Variants in CCDC170 observed in about 807,000 individuals in gnomAD.
CCDC170 encodes coiled-coil domain containing 170, also known as coiled-coil domain-containing protein 170.
In CCDC170, 69 loss-of-function variants were observed where a neutral mutation model predicts 72.6. The ratio of observed to expected loss-of-function variants is 0.95; its 90% CI spans 0.78 to 1.16. CCDC170 has a LOEUF of 1.16. CCDC170 is among the 50% of genes most tolerant of loss of function. The pLI is 0.00. For missense variants in CCDC170, 852 were observed against 832.5 expected (o/e 1.02, Z -0.29); for synonymous variants, 300 against 303.9 (o/e 0.99, Z 0.13).
At chr6:151,578,468 G>A (rs569527762) in intron 6 of CCDC170, among the ~76,000 whole-genome samples, 12 of 152,112 alleles carry the variant, frequency 7.9e-5, no homozygotes, top group South Asian at 6.2e-4. Flanking sequence ...TATGCATGTC[G>A]GTCTTCGTGT....
rs115331517 is a variant in CCDC170 at position 151,529,689 on chromosome 6, C to T, written c.58-6629C>T. On this transcript the variant is annotated intron_variant, in intron 1 of 10. Transcript: ENST00000239374. ...AAACAAAAACAAAATAATGGTATAA[C>T]GAATATCTTTATACATATCTCTATG... 8.9e-3 allele frequency among the ~76,000 whole-genome samples: 1,358 copies of T among 152,066 alleles called. 20 individuals carry two copies. Among genetic ancestry groups the T allele is most frequent in the African/African-American group, 0.03 (1,249 of 41,474 alleles).
chr6:151,572,653 T>TTTTTTTTTTTG lies in CCDC170; in HGVS notation c.775-511_775-510insGTTTTTTTTTT, dbSNP rs1554223882. On this transcript the variant is annotated intron_variant, in intron 5 of 10. Coordinates refer to ENST00000239374, the MANE Select transcript of CCDC170 (RefSeq NM_025059.4). ...TATTTTATATCCCTTCTCTGTGTTTTTTTTTTTTTTTTTTTTGATGGAGTC... is the reference window on the plus strand; with the variant it reads ...TATTTTATATCCCTTCTCTGTGTTTTTTTTTTTTTTGTTTTTTTTTTTTTTTTGATGGAGTC... Among the ~76,000 whole-genome samples, 230 of 100,486 alleles carry TTTTTTTTTTTG rather than the reference T, an allele frequency of 2.3e-3. 6 individuals are homozygous for TTTTTTTTTTTG. The highest frequency in any genetic ancestry group is 2.5e-3 in the African/African-American group (57 of 23,044). 65.9% of individuals were successfully genotyped at this position (100,486 alleles called of 152,430 possible).
chr6:151,544,741 CTA>C (rs1340913110), intron 4 of CCDC170, 25 bp downstream of exon 4: 1 of 1,587,462 alleles, frequency 6.3e-7, no homozygotes, highest in Non-Finnish European at 8.6e-7. Context: ...ATTAAAAAGT[CTA>C]TAAATGTAGT....
intron 1 of CCDC170, among the ~76,000 whole-genome samples, chr6:151,521,183 C>G (rs1056521251): frequency 1.3e-5 from 2 of 152,176 alleles, no homozygotes; most frequent in African/African-American, 2.4e-5. Context: ...CTGTTACTCT[C>G]TTTATTAAAT....
At chr6:151,533,861 C>T (rs1782532447) in intron 1 of CCDC170, among the ~76,000 whole-genome samples, 1 of 152,092 alleles carries the variant, frequency 6.6e-6, no homozygotes, top group Non-Finnish European at 1.5e-5. Context: ...TTGCCTGATC[C>T]AGAGTAGGCT....
chr6:151,531,127 A>G (rs1253005901), intron 1 of CCDC170, among the ~76,000 whole-genome samples: 2 of 152,152 alleles, frequency 1.3e-5, no homozygotes, highest in African/African-American at 4.8e-5. Context: ...TGTTCCTCCA[A>G]TTCATATGCT....
At chr6:151,572,718 C>T (rs1776241465) in intron 5 of CCDC170, among the ~76,000 whole-genome samples, 1 of 128,028 alleles carries the variant, frequency 7.8e-6, no homozygotes, top group Non-Finnish European at 1.5e-5. Context: ...GGAGTGATCT[C>T]AGTTCACTGC....
intron 1 of CCDC170, among the ~76,000 whole-genome samples, chr6:151,521,982 T>C (rs1244797050): frequency 1.0e-5 from 1 of 95,312 alleles, no homozygotes; most frequent in African/African-American, 5.1e-5. Flanking sequence ...CGAGACTCTG[T>C]CTCAAAAAAA....
intron 5 of CCDC170, among the ~76,000 whole-genome samples, chr6:151,563,961 G>T (rs1350234281): frequency 1.3e-5 from 2 of 152,132 alleles, no homozygotes; most frequent in Admixed American, 6.5e-5. Flanking sequence ...TTCACATTTT[G>T]TCCATTCACT....
intron 1 of CCDC170, 62 bp from the exon 2 acceptor site, chr6:151,536,253 AGCT>A: frequency 6.3e-7 from 1 of 1,579,220 alleles, no homozygotes; most frequent in Non-Finnish European, 8.7e-7. Flanking sequence ...GGCTTTGTGC[AGCT>A]GCACGGAAAA....
At chr6:151,573,547 A>G in intron 6 of CCDC170, 56 bp downstream of exon 6, 1 of 1,492,610 alleles carries the variant, frequency 6.7e-7, no homozygotes, top group Non-Finnish European at 9.2e-7. Flanking sequence ...TCATTCATTT[A>G]GCATGCTCAG....
intron 9 of CCDC170, among the ~76,000 whole-genome samples, chr6:151,612,654 C>A (rs535766739): frequency 3.5e-4 from 53 of 152,168 alleles, no homozygotes; most frequent in African/African-American, 1.2e-3. Flanking sequence ...CCCTGGCTTG[C>A]TTCCTTCCTG....
At chr6:151,522,370 C>A (rs1782332936) in intron 1 of CCDC170, among the ~76,000 whole-genome samples, 1 of 152,054 alleles carries the variant, frequency 6.6e-6, no homozygotes, top group South Asian at 2.1e-4. Flanking sequence ...GTAGTATGTT[C>A]AATTCTTTGA....
intron 9 of CCDC170, among the ~76,000 whole-genome samples, chr6:151,606,985 C>T (rs1042357843): frequency 6.6e-6 from 1 of 152,054 alleles, no homozygotes; most frequent in South Asian, 2.1e-4. Flanking sequence ...CACATTCAGT[C>T]TATGTGTCTT....
At chr6:151,575,390 G>A (rs1289353821) in intron 6 of CCDC170, among the ~76,000 whole-genome samples, 2 of 144,910 alleles carry the variant, frequency 1.4e-5, no homozygotes, top group Admixed American at 1.4e-4. Context: ...CCGAGATCGT[G>A]CCACTGCACT....
intron 1 of CCDC170, among the ~76,000 whole-genome samples, chr6:151,500,437 A>G (rs1582998960): frequency 1.3e-5 from 2 of 152,158 alleles, no homozygotes; most frequent in Middle Eastern, 3.4e-3. Flanking sequence ...AAATACAAAC[A>G]TATCAGTAAT....
intron 1 of CCDC170, among the ~76,000 whole-genome samples, chr6:151,509,214 C>CTATCTATG (rs59636966): frequency 3.0e-5 from 4 of 134,082 alleles, no homozygotes; most frequent in Admixed American, 7.5e-5. Context: ...TCTCATCTAT[C>CTATCTATG]TATCTATGTA....
At chr6:151,612,272 A>T (rs919679661) in intron 9 of CCDC170, among the ~76,000 whole-genome samples, 1 of 152,146 alleles carries the variant, frequency 6.6e-6, no homozygotes, top group Non-Finnish European at 1.5e-5. Context: ...CACAGTGAAG[A>T]TGCACTCTAT....
At chr6:151,601,595 A>G (rs1776711112) in intron 9 of CCDC170, among the ~76,000 whole-genome samples, 1 of 152,150 alleles carries the variant, frequency 6.6e-6, no homozygotes, top group South Asian at 2.1e-4. Context: ...ACATCGGTCT[A>G]TCAATCATCT....
Sources: gnomAD v4.1 joint callset for allele counts (sites outside exome capture counted in the v4.1 genomes callset) on GRCh38, gnomAD v4.1.1 for gene constraint, MANE v1.5 for transcripts, NCBI Gene and HGNC (gene_info 2026-07-23, HGNC 2026-07-21) for gene names.